Variants in PSME4 observed in about 807,000 individuals in gnomAD.
PSME4 encodes proteasome activator complex subunit 4.
In PSME4, 89 loss-of-function variants were observed where a neutral mutation model predicts 253.9. The observed-to-expected ratio is 0.35, with a 90% CI of 0.30 to 0.42. The LOEUF (loss-of-function observed/expected upper bound fraction) is 0.42, where lower values mean the gene tolerates loss of function less well. Ranked by LOEUF, PSME4 falls within the 10% of genes least tolerant of loss-of-function variation. PSME4 has a pLI of 1.00. For missense variants in PSME4, 2,014 were observed against 2,195.2 expected (o/e 0.92, Z 1.65); for synonymous variants, 851 against 759.2 (o/e 1.12, Z -1.99).
chr2:53,890,424 A>G (rs953293416), intron 36 of PSME4, among the ~76,000 whole-genome samples: 1 of 152,164 alleles, frequency 6.6e-6, no homozygotes, highest in Non-Finnish European at 1.5e-5. Flanking sequence ...CACTCGCTTC[A>G]GCCTTCCAAG....
rs1403570807 is a variant in PSME4, at chr2:53,869,395, T to C, written c.5244A>G (p.Gly1748=). The C allele has an allele frequency of 6.2e-7, 1 of 1,609,714 alleles. No homozygotes were observed. Among genetic ancestry groups the C allele is most frequent in the African/African-American group, 1.3e-5 (1 of 75,020 alleles). ...KKRKRDPGSV[G]DTIPSAELVK... is the part of the protein sequence containing the mutation. ...TGTTACCTGCAGAAGGAATGGTATC[T>C]CCTACAGAACCAGGGTCTCGCTTTC... Residue 1748 remains glycine, a synonymous_variant, in exon 44 of 47, where the codon GGA becomes GGG. Coordinates refer to ENST00000404125, the MANE Select transcript of PSME4 (RefSeq NM_014614.3).
chr2:53,968,344 G>A (rs1022459072), intron 1 of PSME4, among the ~76,000 whole-genome samples: 1 of 151,542 alleles, frequency 6.6e-6, no homozygotes, highest in African/African-American at 2.4e-5. Flanking sequence ...TGAAACACAT[G>A]ATTAAGTAAC....
At chr2:53,926,757 G>A (rs1185417447) in intron 12 of PSME4, among the ~76,000 whole-genome samples, 1 of 151,832 alleles carries the variant, frequency 6.6e-6, no homozygotes, top group Non-Finnish European at 1.5e-5. Flanking sequence ...CAGATTACTT[G>A]AGGCCAGGAG....
chr2:53,937,753 T>G (rs1469772791), intron 4 of PSME4, among the ~76,000 whole-genome samples: 1 of 152,150 alleles, frequency 6.6e-6, no homozygotes, highest in African/African-American at 2.4e-5. Context: ...ATTCCAGAAC[T>G]TTGGGAAGCT....
intron 1 of PSME4, 130 bp downstream of exon 1, chr2:53,970,413 T>C (rs1470847632): frequency 1.4e-6 from 2 of 1,456,038 alleles, no homozygotes; most frequent in East Asian, 2.5e-5. Context: ...GACCCTGGGA[T>C]CACCGCTCGG....
At position 53,887,891 on chromosome 2, in the gene PSME4, T is replaced by A. The variant is rs763111718; in HGVS notation, c.4487A>T (p.Gln1496Leu). The A allele has an allele frequency of 3.1e-6, 5 of 1,602,064 alleles. No individual in the cohort carries two copies. Among genetic ancestry groups the A allele is most frequent in the Non-Finnish European group, 4.3e-6 (5 of 1,169,212 alleles). ...TCTTTCTCTGACATTTTTGTAAACCTGGGTGAGTTTGGGTTCCAAGTACTT... is the reference window on the plus strand; with the variant it reads ...TCTTTCTCTGACATTTTTGTAAACCAGGGTGAGTTTGGGTTCCAAGTACTT... ...LLKYLEPKLTQVYKNVRERIG... is the reference protein window; with the variant it reads ...LLKYLEPKLTLVYKNVRERIG... The change falls in exon 39 of 47, where the codon CAG becomes CTG. Residue 1496 changes from glutamine to leucine, a missense_variant. Coordinates refer to ENST00000404125, the MANE Select transcript of PSME4 (RefSeq NM_014614.3).
chr2:53,888,334 A>G (rs944970103), intron 38 of PSME4: 51 of 233,834 alleles, frequency 2.2e-4, no homozygotes, highest in Non-Finnish European at 3.9e-4. Flanking sequence ...CTAACTTTCT[A>G]CAGCACCATA....
chr2:53,928,059 G>A (rs1668650842), intron 11 of PSME4, 58 bp downstream of exon 11: 10 of 1,378,962 alleles, frequency 7.3e-6, no homozygotes, highest in African/African-American at 1.4e-5. Flanking sequence ...TTTTGTCACT[G>A]AGAAGTTTAC....
chr2:53,943,738 A>G (rs538440786), intron 3 of PSME4, among the ~76,000 whole-genome samples: 1 of 150,796 alleles, frequency 6.6e-6, no homozygotes, highest in Non-Finnish European at 1.5e-5. Flanking sequence ...GCTACTCAGG[A>G]GACTGAGGCA....
chr2:53,923,913 C>CAAAAAAAAAAAAAAAAAAAAAA (rs199929436), intron 14 of PSME4, among the ~76,000 whole-genome samples: 2 of 96,878 alleles, frequency 2.1e-5, no homozygotes, highest in Non-Finnish European at 2.0e-5. Context: ...ACAGAGTTAA[C>CAAAAAAAAAAAAAAAAAAAAAA]AAAAAAAAAA....
At chr2:53,944,119 C>T (rs1040344991) in intron 3 of PSME4, among the ~76,000 whole-genome samples, 1 of 152,056 alleles carries the variant, frequency 6.6e-6, no homozygotes, top group Non-Finnish European at 1.5e-5. Context: ...ACAGAAACAA[C>T]TTTTGTGAGA....
chr2:53,883,536 C>G (rs1679494892), intron 41 of PSME4, among the ~76,000 whole-genome samples: 1 of 152,124 alleles, frequency 6.6e-6, no homozygotes, highest in Non-Finnish European at 1.5e-5. Context: ...TCGCTGGTCT[C>G]TCCTCTGATA....
intron 8 of PSME4, chr2:53,933,022 A>T (rs1668916771): frequency 5.1e-6 from 2 of 394,742 alleles, no homozygotes. Context: ...ACTTAGGATA[A>T]CAAACAGCGT....
chr2:53,868,259 C>T (rs993735384), intron 44 of PSME4, among the ~76,000 whole-genome samples: 1 of 151,130 alleles, frequency 6.6e-6, no homozygotes, highest in African/African-American at 2.4e-5. Flanking sequence ...GAGTTCAAGA[C>T]CAGCCTGATC....
At chr2:53,870,632 T>G (rs1678831430) in intron 43 of PSME4, 1 of 151,906 alleles carries the variant, frequency 6.6e-6, no homozygotes, top group Non-Finnish European at 1.5e-5. Flanking sequence ...CACGTCAGCC[T>G]CCTAAAGTGC....
chr2:53,867,794 G>T (rs372446195), intron 44 of PSME4, among the ~76,000 whole-genome samples: 38 of 148,402 alleles, frequency 2.6e-4, no homozygotes, highest in African/African-American at 7.4e-4. Context: ...AATTAGCGTG[G>T]TTTTTTTTTT....
intron 14 of PSME4, 67 bp from the exon 15 acceptor site, chr2:53,923,486 A>C: frequency 1.4e-6 from 2 of 1,463,890 alleles, no homozygotes; most frequent in South Asian, 2.9e-5. Flanking sequence ...AGAACATAAA[A>C]GAAAATGATA....
At chr2:53,913,400 A>G (rs1667917290) in intron 20 of PSME4, among the ~76,000 whole-genome samples, 1 of 152,200 alleles carries the variant, frequency 6.6e-6, no homozygotes, top group African/African-American at 2.4e-5. Context: ...TAACACAAAA[A>G]CAAAATATAT....
At position 53,900,014 on chromosome 2, in the gene PSME4, G is replaced by C; in HGVS notation, c.3289C>G (p.Pro1097Ala). ...YETIGLDFTIPKSCVEIAELL... is the reference protein window; with the variant it reads ...YETIGLDFTIAKSCVEIAELL... ...TCCGCTATTTCAACACATGACTTTG[G>C]AATCTTGTTAAAAAGAAAAAAGCAG... Residue 1097 changes from proline to alanine, a missense_variant, in exon 29 of 47, where the codon CCA becomes GCA. Transcript: ENST00000404125. The C allele has an allele frequency of 6.2e-7, 1 of 1,609,426 alleles. No homozygotes were observed.
Sources: gnomAD v4.1 joint callset for allele counts (sites outside exome capture counted in the v4.1 genomes callset) on GRCh38, gnomAD v4.1.1 for gene constraint, MANE v1.5 for transcripts, NCBI Gene and HGNC (gene_info 2026-07-23, HGNC 2026-07-21) for gene names.